Variants in CRY1 observed in about 807,000 individuals in gnomAD.
CRY1 encodes cryptochrome circadian regulator 1.
CRY1 carries 45 observed loss-of-function variants against 76.0 expected under a neutral mutation model. The observed-to-expected ratio is 0.59, with a 90% CI of 0.47 to 0.76. The LOEUF (loss-of-function observed/expected upper bound fraction) is 0.76, where lower values mean the gene tolerates loss of function less well. Among genes scored for constraint, CRY1 ranks in the 30% least tolerant of loss-of-function variants. The pLI is 0.00. For missense variants in CRY1, 587 were observed against 716.4 expected, an observed-to-expected ratio of 0.82 and a Z score of 2.06; for synonymous variants, 248 against 244.0, an observed-to-expected ratio of 1.02 and a Z score of -0.15.
chr12:107,004,678 A>G (rs1485937015), intron 3 of CRY1, among the ~76,000 whole-genome samples: 1 of 152,194 alleles, frequency 6.6e-6, no homozygotes, highest in Non-Finnish European at 1.5e-5. Context: ...ATCCAGACAG[A>G]CATAATAGAT....
At chr12:107,003,486 G>C (rs1203847655) in intron 3 of CRY1, among the ~76,000 whole-genome samples, 1 of 152,122 alleles carries the variant, frequency 6.6e-6, no homozygotes, top group Non-Finnish European at 1.5e-5. Context: ...GGTTTTCTTA[G>C]TGTATTTTAG....
intron 4 of CRY1, among the ~76,000 whole-genome samples, 181 bp from the exon 5 acceptor site, chr12:107,001,549 C>T (rs1170697239): frequency 6.6e-6 from 1 of 152,194 alleles, no homozygotes; most frequent in Non-Finnish European, 1.5e-5. Context: ...TCAGGATGTA[C>T]ATCTTAAGGT....
intron 2 of CRY1, among the ~76,000 whole-genome samples, chr12:107,015,476 T>C (rs958281349): frequency 6.6e-6 from 1 of 152,034 alleles, no homozygotes; most frequent in African/African-American, 2.4e-5. Context: ...CCTGAGTAGC[T>C]AGGACCACAG....
chr12:107,028,752 C>T (rs373370818), intron 1 of CRY1, among the ~76,000 whole-genome samples: 12 of 152,288 alleles, frequency 7.9e-5, no homozygotes, highest in African/African-American at 2.9e-4. Context: ...ACAAAACAGA[C>T]TAACACAGTT....
Position 107,000,037 on chromosome 12 carries a change from G to A in CRY1, c.730C>T (p.Leu244=), listed in dbSNP as rs143219907. 178 of 1,611,106 alleles carry A rather than the reference G, an allele frequency of 1.1e-4. 2 individuals are homozygous for A. The Middle Eastern group carries it at 1.7e-3, about 15-fold the overall frequency. Residue 244 remains leucine (L), a synonymous_variant, in exon 6 of 13, where the codon CTG becomes TTG. Coordinates refer to ENST00000008527, the MANE Select transcript of CRY1 (RefSeq NM_004075.5). ...FERPRMNANS[L]LASPTGLSPY... is the part of the protein sequence containing the mutation. ...CTAAGTCCAGTAGGGCTTGCAAGCA[G>A]AGAATTCGCATTCATTCGAGGTCTT... is the stretch of plus-strand genomic sequence containing the variant.
At chr12:107,040,867 A>G (rs376832618) in intron 1 of CRY1, among the ~76,000 whole-genome samples, 3 of 152,078 alleles carry the variant, frequency 2.0e-5, no homozygotes, top group East Asian at 3.9e-4. Flanking sequence ...ACTTGATTTC[A>G]TCTTTGTAAG....
At chr12:107,043,072 G>C in intron 1 of CRY1, 1 of 152,232 alleles carries the variant, frequency 6.6e-6, no homozygotes, top group South Asian at 2.1e-4. Flanking sequence ...AGGGTGTCTT[G>C]CTCTGGCGGT....
chr12:107,061,543 C>T (rs904802596), intron 1 of CRY1, among the ~76,000 whole-genome samples: 2 of 151,912 alleles, frequency 1.3e-5, no homozygotes, highest in African/African-American at 4.8e-5. Flanking sequence ...CCACGCCCGG[C>T]TAATTTTTTT....
chr12:107,021,449 T>C (rs975445656), intron 2 of CRY1, among the ~76,000 whole-genome samples: 4 of 152,148 alleles, frequency 2.6e-5, no homozygotes, highest in African/African-American at 4.8e-5. Context: ...GCATTTATAC[T>C]AGCAAAAGGC....
At chr12:107,007,594 A>T (rs1319020317) in intron 2 of CRY1, among the ~76,000 whole-genome samples, 1 of 151,412 alleles carries the variant, frequency 6.6e-6, no homozygotes, top group African/African-American at 2.4e-5. Flanking sequence ...CAATGGTGCA[A>T]TCATAGCTCA....
Position 107,001,801 on chromosome 12 carries a change from A to G in CRY1, c.558T>C (p.His186=). ...EKCTTPLSDD[H]DEKYGVPSLE... The stretch of plus-strand genomic sequence containing the variant: ...GTGAAGGGACTCCATATTTCTCATC[A>G]TGGTCATCAGACAGAGGAGTTGTGC... The change falls in exon 4 of 13, where the codon CAT becomes CAC. Residue 186 remains histidine, a synonymous_variant. Transcript: ENST00000008527. The G allele has an allele frequency of 1.9e-6, 3 of 1,578,266 alleles. No individual in the cohort carries two copies. Among genetic ancestry groups the G allele is most frequent in the Non-Finnish European group, 2.6e-6 (3 of 1,171,098 alleles).
At chr12:107,038,739 T>C (rs1175339502) in intron 1 of CRY1, among the ~76,000 whole-genome samples, 1 of 152,230 alleles carries the variant, frequency 6.6e-6, no homozygotes, top group Non-Finnish European at 1.5e-5. Flanking sequence ...CACAGATCAA[T>C]TCCCTTTGTG....
Position 107,001,922 on chromosome 12 carries a change from G to A in CRY1, c.437C>T (p.Pro146Leu), listed in dbSNP as rs373266096. Residue 146 changes from proline to leucine, a missense_variant, in exon 4 of 13, where the codon CCG (proline) becomes CTG (leucine). Transcript: ENST00000008527. ...DKIIELNGGQ[P>L]PLTYKRFQTL... ...CTGGAATCTTTTATAAGTTAGAGGC[G>A]GTTGTCCACCATTGAGTTCTATGAT... 9.4e-6 allele frequency: 15 copies of A among 1,595,382 alleles called. No individual in the cohort carries two copies. The highest frequency in any genetic ancestry group is 5.4e-5 in the Admixed American group (3 of 55,164).
intron 2 of CRY1, among the ~76,000 whole-genome samples, chr12:107,018,280 T>C (rs1462383656): frequency 6.6e-6 from 1 of 152,254 alleles, no homozygotes; most frequent in Non-Finnish European, 1.5e-5. Flanking sequence ...CATGTGTCAC[T>C]GTTTCTTAGA....
In CRY1 at chr12:107,045,160, T is replaced by C. The variant is rs535666684; in HGVS notation, c.159-22968A>G. ...CAAGTCATATAAAAGGAAATCTCCATTAGACTAATAGCAGATTTCTCTGAA... is the reference window on the plus strand; with the variant it reads ...CAAGTCATATAAAAGGAAATCTCCACTAGACTAATAGCAGATTTCTCTGAA... On this transcript the variant is annotated intron_variant, in intron 1 of 12. Coordinates refer to ENST00000008527, the MANE Select transcript of CRY1 (RefSeq NM_004075.5). Among the ~76,000 whole-genome samples, 14 of 152,130 alleles carry C rather than the reference T, an allele frequency of 9.2e-5. No homozygotes were observed. The South Asian group carries it at 2.9e-3, about 32-fold the overall frequency.
intron 1 of CRY1, among the ~76,000 whole-genome samples, chr12:107,068,384 G>A (rs1378521493): frequency 6.6e-6 from 1 of 152,016 alleles, no homozygotes; most frequent in African/African-American, 2.4e-5. Flanking sequence ...TGCAACCTCC[G>A]CCTCCTTGGT....
chr12:107,071,729 T>C (rs1424776583), intron 1 of CRY1, among the ~76,000 whole-genome samples: 1 of 152,168 alleles, frequency 6.6e-6, no homozygotes, highest in East Asian at 1.9e-4. Context: ...CTATTAGTAA[T>C]GTAAGAAAGG....
chr12:107,091,922 C>T (rs909639292), intron 1 of CRY1, among the ~76,000 whole-genome samples: 29 of 152,222 alleles, frequency 1.9e-4, no homozygotes, highest in Non-Finnish European at 3.4e-4. Flanking sequence ...AACCCCATCC[C>T]TACCCTTGTA....
chr12:107,081,054 G>A (rs1202368471), intron 1 of CRY1, among the ~76,000 whole-genome samples: 1 of 152,042 alleles, frequency 6.6e-6, no homozygotes, highest in Non-Finnish European at 1.5e-5. Flanking sequence ...ATGGAGCACA[G>A]AAGAAGAAAC....
Sources: gnomAD v4.1 joint callset for allele counts (sites outside exome capture counted in the v4.1 genomes callset) on GRCh38, gnomAD v4.1.1 for gene constraint, MANE v1.5 for transcripts, NCBI Gene and HGNC (gene_info 2026-07-23, HGNC 2026-07-21) for gene names.